Variants in FSTL5 observed in about 807,000 individuals in gnomAD.
FSTL5 encodes follistatin like 5.
FSTL5 carries 62 observed loss-of-function variants against 89.1 expected under a neutral mutation model. That is an observed-to-expected ratio of 0.70 (90% CI 0.57 to 0.86). The LOEUF is 0.86. Among genes scored for constraint, FSTL5 ranks in the 40% least tolerant of loss-of-function variants. The pLI, the probability that FSTL5 is intolerant of heterozygous loss-of-function variation, is 0.00. For synonymous variants in FSTL5, 383 were observed against 346.2 expected, an observed-to-expected ratio of 1.11 and a Z score of -1.18; for missense variants, 1,057 against 1,001.6, an observed-to-expected ratio of 1.06 and a Z score of -0.75.
intron 12 of FSTL5, among the ~76,000 whole-genome samples, chr4:161,498,921 C>A (rs1730191007): frequency 1.3e-5 from 2 of 151,946 alleles, no homozygotes; most frequent in Admixed American, 1.3e-4. Context: ...GAAAATAGGG[C>A]CGAGTGAAGT....
At chr4:161,466,779 AT>A (rs1050009522) in intron 13 of FSTL5, among the ~76,000 whole-genome samples, 7 of 152,180 alleles carry the variant, frequency 4.6e-5, no homozygotes, top group Admixed American at 2.0e-4. Context: ...CATTAAAAAA[AT>A]GTGACCTTTA....
chr4:161,502,361 A>C (rs17041121), intron 11 of FSTL5, among the ~76,000 whole-genome samples: 31,746 of 151,834 alleles, frequency 0.21, 3,631 homozygotes, highest in East Asian at 0.37. Context: ...TGTCTTTTAA[A>C]ATATGAATTA....
intron 2 of FSTL5, among the ~76,000 whole-genome samples, chr4:162,069,554 C>A (rs116096536): frequency 6.6e-6 from 1 of 151,830 alleles, no homozygotes; most frequent in African/African-American, 2.4e-5. Flanking sequence ...TTCCCCTGAC[C>A]GTTTCCAGCC....
At chr4:161,397,393 AAAATTAATAATAGAATAAAG>A (rs1424137028) in intron 15 of FSTL5, among the ~76,000 whole-genome samples, 1 of 151,938 alleles carries the variant, frequency 6.6e-6, no homozygotes, top group Non-Finnish European at 1.5e-5. Flanking sequence ...TCATATGTAT[AAAATTAATAATAGAATAAAG>A]GTAGCATTTT....
At position 161,527,324 on chromosome 4, in the gene FSTL5, C is replaced by A. The variant is rs570844393; in HGVS notation, c.1312+10842G>T. Among the ~76,000 whole-genome samples the A allele has an allele frequency of 2.1e-4, 32 of 152,194 alleles. No individual in the cohort carries two copies. The South Asian group carries it at 6.4e-3, about 31-fold the overall frequency. On this transcript the variant is annotated intron_variant, in intron 10 of 15. Coordinates refer to ENST00000306100, the MANE Select transcript of FSTL5 (RefSeq NM_020116.5). ...CTAATTAAACTAAAGAGCTTCTGCACAGCAAAAGAAACTACCATCAGAGTG... is the reference window on the plus strand; with the variant it reads ...CTAATTAAACTAAAGAGCTTCTGCAAAGCAAAAGAAACTACCATCAGAGTG...
intron 6 of FSTL5, among the ~76,000 whole-genome samples, chr4:161,731,990 T>A (rs1306181713): frequency 6.6e-6 from 1 of 152,116 alleles, no homozygotes; most frequent in Non-Finnish European, 1.5e-5. Context: ...CTTTCATTTT[T>A]CATCTTCATT....
At chr4:161,501,625 T>C (rs1730296057) in intron 11 of FSTL5, among the ~76,000 whole-genome samples, 1 of 152,064 alleles carries the variant, frequency 6.6e-6, no homozygotes, top group South Asian at 2.1e-4. Flanking sequence ...TTAATAGATG[T>C]AATCTTTAAT....
At chr4:161,938,675 A>C (rs1734497052) in intron 3 of FSTL5, among the ~76,000 whole-genome samples, 1 of 152,076 alleles carries the variant, frequency 6.6e-6, no homozygotes, top group African/African-American at 2.4e-5. Context: ...TAGTTTATTA[A>C]ATTTGGCATC....
Position 161,917,730 on chromosome 4 carries a change from G to T in FSTL5, c.409+2674C>A, listed in dbSNP as rs1190172849. Among the ~76,000 whole-genome samples, 6 of 152,120 alleles carry T rather than the reference G, an allele frequency of 3.9e-5. No homozygotes were observed. In the East Asian group the frequency reaches 9.7e-4, roughly 25 times the overall value. ...GTACCAATAAACTTTTAAAGCAGGG[G>T]TTAACAAACTTTTTCTGAAAAGATC... is the stretch of plus-strand genomic sequence containing the variant. On this transcript the variant is annotated intron_variant, in intron 4 of 15. Transcript: ENST00000306100.
At chr4:162,058,429 T>C (rs1738621417) in intron 2 of FSTL5, among the ~76,000 whole-genome samples, 1 of 146,144 alleles carries the variant, frequency 6.8e-6, no homozygotes. Context: ...TCCTCTTTTT[T>C]TTTTTTTTTT....
chr4:161,585,181 C>T (rs1733564209), intron 8 of FSTL5, among the ~76,000 whole-genome samples: 1 of 152,172 alleles, frequency 6.6e-6, no homozygotes, highest in African/African-American at 2.4e-5. Flanking sequence ...ATAAAGCCGG[C>T]AGTTTGGCTC....
chr4:161,430,492 G>A (rs62326361), intron 15 of FSTL5, among the ~76,000 whole-genome samples: 20,967 of 152,132 alleles, frequency 0.14, 1,716 homozygotes, highest in East Asian at 0.24. Flanking sequence ...TGTAATCCCA[G>A]CACTTTGGGA....
intron 4 of FSTL5, among the ~76,000 whole-genome samples, chr4:161,840,064 A>G (rs1402230822): frequency 1.3e-5 from 2 of 152,184 alleles, no homozygotes; most frequent in Non-Finnish European, 2.9e-5. Flanking sequence ...TAGATTTTTA[A>G]TACTGTTGAT....
intron 6 of FSTL5, among the ~76,000 whole-genome samples, chr4:161,698,606 A>G (rs1407158938): frequency 6.6e-6 from 1 of 152,164 alleles, no homozygotes; most frequent in East Asian, 1.9e-4. Context: ...GTTTTGGAGA[A>G]GGTGAAGGGT....
At chr4:161,496,871 C>T (rs959847714) in intron 12 of FSTL5, among the ~76,000 whole-genome samples, 1 of 149,010 alleles carries the variant, frequency 6.7e-6, no homozygotes, top group Admixed American at 6.7e-5. Flanking sequence ...AACGTGGCGA[C>T]AGAGGTAGTG....
rs570093122 is a variant in FSTL5 at position 161,974,817 on chromosome 4, C to T, written c.161-54165G>A. Among the ~76,000 whole-genome samples the T allele has an allele frequency of 1.1e-3, 161 of 149,664 alleles. 2 individuals are homozygous for T. The highest frequency in any genetic ancestry group is 3.5e-3 in the Middle Eastern group (1 of 288). On this transcript the variant is annotated intron_variant, in intron 3 of 15. Transcript: ENST00000306100. ...AACTACCATCAGAGTGAACAGGCAA[C>T]CTACAACATGGGAGAAAATTTTCGC...
intron 15 of FSTL5, among the ~76,000 whole-genome samples, chr4:161,402,179 G>A (rs137993070): frequency 1.3e-4 from 19 of 151,998 alleles, no homozygotes; most frequent in African/African-American, 7.3e-5. Flanking sequence ...AAACACAAAC[G>A]CACACACTTC....
intron 6 of FSTL5, among the ~76,000 whole-genome samples, chr4:161,731,079 G>T (rs1359723090): frequency 6.6e-6 from 1 of 152,074 alleles, no homozygotes; most frequent in African/African-American, 2.4e-5. Context: ...TCTGTTTATT[G>T]TTAATCAATA....
chr4:161,894,910 C>T (rs1733106366), intron 4 of FSTL5, among the ~76,000 whole-genome samples: 1 of 152,206 alleles, frequency 6.6e-6, no homozygotes, highest in Admixed American at 6.5e-5. Context: ...GCTCTCTCAG[C>T]TATATCATAC....
Sources: allele counts gnomAD v4.1 joint callset (sites outside exome capture counted in the v4.1 genomes callset), GRCh38; gene constraint gnomAD v4.1.1; transcripts MANE v1.5; gene names NCBI Gene and HGNC (gene_info 2026-07-23, HGNC 2026-07-21).